CCDC3: variants seen among roughly 807,000 people sequenced by gnomAD.
CCDC3 encodes coiled-coil domain-containing protein 3.
A neutral mutation model predicts 21.4 loss-of-function variants in CCDC3; 24 were observed. The observed-to-expected ratio is 1.12, with a 90% confidence interval of 0.81 to 1.58. The LOEUF is 1.58. CCDC3 is among the 40% of genes most tolerant of loss of function. The pLI is 0.00. For missense variants in CCDC3, 425 were observed against 360.9 expected (o/e 1.18, Z -1.44); for synonymous variants, 186 against 166.0 (o/e 1.12, Z -0.93).
intron 5 of CCDC3, among the ~76,000 whole-genome samples, chr10:13,043,806 G>T (rs1344063402): frequency 6.6e-6 from 1 of 152,078 alleles, no homozygotes; most frequent in African/African-American, 2.4e-5. Context: ...AATATTGCTT[G>T]TGATGAACAT....
rs147027073 is a variant in CCDC3 at position 12,984,461 on chromosome 10, C to G, written c.549+13877G>C. ...AACCCTCATACACTGCTGGTGGGCA[C>G]GTAAAATGGTGCAGCTGCTTTGGAA... On this transcript the variant is annotated intron_variant, in intron 2 of 2. Coordinates refer to ENST00000378825, the MANE Select transcript of CCDC3 (RefSeq NM_031455.4). 5.1e-4 allele frequency among the ~76,000 whole-genome samples: 78 copies of G among 152,248 alleles called. 1 individual carries two copies. The highest frequency in any genetic ancestry group is 1.9e-3 in the Admixed American group (29 of 15,292).
intron 2 of CCDC3, among the ~76,000 whole-genome samples, chr10:12,926,169 G>C (rs1042541780): frequency 3.9e-5 from 6 of 152,206 alleles, no homozygotes; most frequent in African/African-American, 1.4e-4. Flanking sequence ...AGGATCCATG[G>C]AGGATGCTGG....
intron 2 of CCDC3, among the ~76,000 whole-genome samples, chr10:12,924,510 T>C (rs1330868966): frequency 6.6e-6 from 1 of 152,228 alleles, no homozygotes; most frequent in Non-Finnish European, 1.5e-5. Context: ...TAAACTCTAA[T>C]GATTCTGAGA....
At chr10:13,089,597 T>C (rs1297018833) in intron 3 of CCDC3, among the ~76,000 whole-genome samples, 2 of 152,150 alleles carry the variant, frequency 1.3e-5, no homozygotes, top group Admixed American at 6.5e-5. Context: ...TCTTCTCTCC[T>C]CTCCAACTTT....
intron 4 of CCDC3, among the ~76,000 whole-genome samples, chr10:13,072,697 G>T (rs1437981002): frequency 6.6e-6 from 1 of 151,318 alleles, no homozygotes. Context: ...TCCCCCTTTT[G>T]CCCAATAAAA....
At chr10:12,953,891 T>C (rs959779537) in intron 2 of CCDC3, among the ~76,000 whole-genome samples, 2 of 152,184 alleles carry the variant, frequency 1.3e-5, no homozygotes, top group African/African-American at 4.8e-5. Context: ...TATTTCAGCT[T>C]TGTGGGCCAT....
chr10:12,953,971 T>C (rs1461663505), intron 2 of CCDC3, among the ~76,000 whole-genome samples: 1 of 152,178 alleles, frequency 6.6e-6, no homozygotes, highest in Non-Finnish European at 1.5e-5. Flanking sequence ...GGACAATTAG[T>C]AAACAACTGA....
intron 5 of CCDC3, among the ~76,000 whole-genome samples, chr10:13,013,665 A>C (rs1836012382): frequency 6.6e-6 from 1 of 152,232 alleles, no homozygotes; most frequent in South Asian, 2.1e-4. Context: ...CTGATAAAAC[A>C]TACCGAGAAC....
intron 2 of CCDC3, among the ~76,000 whole-genome samples, chr10:12,967,890 G>A (rs1835284346): frequency 6.6e-6 from 1 of 152,182 alleles, no homozygotes; most frequent in African/African-American, 2.4e-5. Context: ...ATAAAGACAG[G>A]TCGGGCATGG....
chr10:13,013,886 C>T (rs1052761255), intron 5 of CCDC3, among the ~76,000 whole-genome samples: 2 of 152,226 alleles, frequency 1.3e-5, no homozygotes, highest in African/African-American at 4.8e-5. Flanking sequence ...GCATGTGGCT[C>T]ACACCTGTAA....
chr10:12,937,094 T>A (rs1834751167), intron 2 of CCDC3, among the ~76,000 whole-genome samples: 1 of 134,438 alleles, frequency 7.4e-6, no homozygotes, highest in African/African-American at 2.7e-5. Flanking sequence ...GGCCAATGGC[T>A]GGGTCCCTGT....
chr10:13,053,357 C>T (rs147288899), intron 4 of CCDC3, among the ~76,000 whole-genome samples: 190 of 151,842 alleles, frequency 1.3e-3, no homozygotes, highest in African/African-American at 4.4e-3. Context: ...TCATTTGAGA[C>T]CAGGAGTTCA....
At chr10:12,988,168 G>A (rs1835626489) in intron 2 of CCDC3, among the ~76,000 whole-genome samples, 1 of 152,072 alleles carries the variant, frequency 6.6e-6, no homozygotes, top group African/African-American at 2.4e-5. Context: ...CACCGCCAAT[G>A]CTCATTCCTA....
chr10:13,055,376 G>A (rs1836668735), intron 4 of CCDC3, among the ~76,000 whole-genome samples: 1 of 151,526 alleles, frequency 6.6e-6, no homozygotes, highest in Non-Finnish European at 1.5e-5. Context: ...CTGTCACCCA[G>A]GCTGGAGTGC....
At position 13,001,269 on chromosome 10, in the gene CCDC3, A is replaced by T. The variant is rs1180534924; in HGVS notation, c.302T>A (p.Leu101His). 1 of 1,601,220 alleles carries T rather than the reference A, an allele frequency of 6.2e-7. No homozygotes were observed. The highest frequency in any genetic ancestry group is 1.1e-5 in the South Asian group (1 of 88,062). The change falls in exon 1 of 3, where the codon CTC (leucine) becomes CAC (histidine). Residue 101 changes from leucine (L) to histidine (H), a missense_variant. Leu to His is a moderately conservative substitution (Grantham distance 99). Transcript: ENST00000378825. ...LEVPAGSRLN[L>H]TGLGYFSCHS... ...GCACGAGAAGTAGCCCAGGCCGGTGAGGTTGAGCCTGGAGCCGGCGGGCAC... is the reference window on the plus strand; with the variant it reads ...GCACGAGAAGTAGCCCAGGCCGGTGTGGTTGAGCCTGGAGCCGGCGGGCAC...
chr10:12,974,922 A>G (rs1056153330), intron 2 of CCDC3, among the ~76,000 whole-genome samples: 2 of 152,206 alleles, frequency 1.3e-5, no homozygotes, highest in African/African-American at 2.4e-5. Flanking sequence ...AGAGACTCAC[A>G]GTACCTGGTG....
chr10:13,052,965 CACACACACACACACACACACAT>C lies in CCDC3; in HGVS notation c.-269-3046_-269-3025del, dbSNP rs1258340818. Reference sequence around the variant, plus strand: ...ACACACACACACACACACACACACACACACACACACACACACACACATACACACACACACCTAGAAGTTCCAA... The same window carrying C: ...ACACACACACACACACACACACACACACACACACACACCTAGAAGTTCCAA... On this transcript the variant is annotated intron_variant, in intron 4 of 6. Coordinates refer to the CCDC3 transcript ENST00000378839. Among the ~76,000 whole-genome samples, 1,063 of 128,342 alleles carry C rather than the reference CACACACACACACACACACACAT, an allele frequency of 8.3e-3. 9 individuals carry two copies. The highest frequency in any genetic ancestry group is 0.018 in the African/African-American group (613 of 33,174). 84.2% of individuals were successfully genotyped at this position (128,342 alleles called of 152,430 possible).
At chr10:12,999,814 A>G (rs1417144114) in intron 1 of CCDC3, among the ~76,000 whole-genome samples, 1 of 152,224 alleles carries the variant, frequency 6.6e-6, no homozygotes, top group Non-Finnish European at 1.5e-5. Context: ...AGTTTTATAG[A>G]TGGTTTCTCA....
chr10:12,992,145 T>A (rs1174032988), intron 2 of CCDC3, among the ~76,000 whole-genome samples: 1 of 151,830 alleles, frequency 6.6e-6, no homozygotes, highest in Non-Finnish European at 1.5e-5. Flanking sequence ...ATCCCAGCAT[T>A]TTGGGAGGCT....
Sources: gnomAD v4.1 joint callset for allele counts (sites outside exome capture counted in the v4.1 genomes callset) on GRCh38, gnomAD v4.1.1 for gene constraint, MANE v1.5 for transcripts, NCBI Gene and HGNC (gene_info 2026-07-23, HGNC 2026-07-21) for gene names.